UBN2: variants seen among roughly 807,000 people sequenced by gnomAD.
The protein encoded by UBN2 is ubinuclein-2.
In UBN2, 35 loss-of-function variants were observed where a neutral mutation model predicts 120.2. The ratio of observed to expected loss-of-function variants is 0.29; its 90% CI spans 0.22 to 0.39. The LOEUF is 0.39. Among genes scored for constraint, UBN2 ranks in the 10% least tolerant of loss-of-function variants. The pLI is 1.00. For synonymous variants in UBN2, 661 were observed against 648.7 expected (o/e 1.02, Z -0.29); for missense variants, 1,693 against 1,663.2 (o/e 1.02, Z -0.31).
chr7:139,269,269 A>T, intron 7 of UBN2, 125 bp from the exon 8 acceptor site: 2 of 898,938 alleles, frequency 2.2e-6, no homozygotes. Context: ...TTTTCCATGA[A>T]GAATACTGTT....
Position 139,231,645 on chromosome 7 carries a change from C to G in UBN2, c.161C>G (p.Pro54Arg), listed in dbSNP as rs1796013611. 1 of 1,218,932 alleles carries G rather than the reference C, an allele frequency of 8.2e-7. No individual in the cohort carries two copies. The highest frequency in any genetic ancestry group is 3.8e-5 in the South Asian group (1 of 26,500). 75.5% of individuals were successfully genotyped at this position (1,218,932 alleles called of 1,614,324 possible). A position where few individuals can be genotyped will look rare whatever the true frequency, so the allele number is the denominator to read the frequency against. ...REPARAEPPAPREPAPRSDAQ... is the reference protein window; with the variant it reads ...REPARAEPPARREPAPRSDAQ... ...CCGGCCCGGGCGGAGCCGCCGGCCC[C>G]GCGGGAGCCTGCCCCCCGCTCGGAC... The change falls in exon 1 of 18, where the codon CCG becomes CGG. Residue 54 changes from proline (P) to arginine (R), a missense_variant. Pro to Arg is a moderately radical substitution (Grantham distance 103). Coordinates refer to ENST00000473989, the MANE Select transcript of UBN2 (RefSeq NM_173569.4).
At chr7:139,263,546 G>A (rs976612290) in intron 6 of UBN2, among the ~76,000 whole-genome samples, 2 of 152,112 alleles carry the variant, frequency 1.3e-5, no homozygotes, top group Admixed American at 1.3e-4. Context: ...GGCCGAGGTG[G>A]GCGGATCACC....
intron 16 of UBN2, 83 bp downstream of exon 16, chr7:139,293,546 TC>T: frequency 8.7e-7 from 1 of 1,152,636 alleles, no homozygotes; most frequent in Non-Finnish European, 1.3e-6. Context: ...TTAAGAGTAG[TC>T]CAGTTGGAGT....
At chr7:139,297,669 A>G (rs944276126) in intron 17 of UBN2, 118 bp from the exon 18 acceptor site, 2 of 873,264 alleles carry the variant, frequency 2.3e-6, no homozygotes, top group African/African-American at 3.4e-5. Flanking sequence ...TAAAAGTGAT[A>G]TCTTTTCAGA....
At chr7:139,316,077 C>CAAAAAA in the UBN2 span, among the ~76,000 whole-genome samples, 304 of 14,126 alleles carry the variant, frequency 0.022, 72 homozygotes, top group African/African-American at 0.052. Flanking sequence ...GACTTCGTCT[C>CAAAAAA]AAAAAAAAAA....
intron 8 of UBN2, among the ~76,000 whole-genome samples, chr7:139,270,664 G>A (rs1018857937): frequency 6.6e-6 from 1 of 152,128 alleles, no homozygotes; most frequent in African/African-American, 2.4e-5. Context: ...TGGATATTTG[G>A]GTTGTTTCCA....
At chr7:139,282,594 A>G (rs769798433) in intron 14 of UBN2, among the ~76,000 whole-genome samples, 1 of 152,220 alleles carries the variant, frequency 6.6e-6, no homozygotes, top group Non-Finnish European at 1.5e-5. Flanking sequence ...GCATGGAAGC[A>G]GAAAGTGAAG....
chr7:139,275,574 C>T (rs1423620747), intron 11 of UBN2, among the ~76,000 whole-genome samples: 1 of 151,236 alleles, frequency 6.6e-6, no homozygotes, highest in Non-Finnish European at 1.5e-5. Flanking sequence ...CAGAGCGAGA[C>T]TCTGTCTCAA....
intron 8 of UBN2, among the ~76,000 whole-genome samples, chr7:139,271,080 C>T (rs1047224475): frequency 9.2e-5 from 14 of 152,044 alleles, no homozygotes; most frequent in Non-Finnish European, 1.2e-4. Flanking sequence ...CTGCGCCTGG[C>T]CAGATGTTCA....
chr7:139,316,084 A>G, the UBN2 span, among the ~76,000 whole-genome samples: 1 of 141,008 alleles, frequency 7.1e-6, no homozygotes, highest in Non-Finnish European at 1.5e-5. Flanking sequence ...TCTCAAAAAA[A>G]AAAAAAAAAA....
At chr7:139,272,485 G>T in intron 9 of UBN2, 45 bp downstream of exon 9, 2 of 1,370,136 alleles carry the variant, frequency 1.5e-6, no homozygotes, top group Non-Finnish European at 2.0e-6. Context: ...TTTGAGAAGT[G>T]TATGTACGTT....
Position 139,258,591 on chromosome 7 carries a change from A to G in UBN2, c.767A>G (p.Asp256Gly). The change falls in exon 4 of 18, where the codon GAT (aspartate) becomes GGT (glycine). Residue 256 changes from aspartate (D) to glycine (G), a missense_variant. Physicochemically the swap from Asp to Gly is moderately conservative, Grantham distance 94. Around this residue, in one of 5 missense-constraint regions of UBN2, gnomAD observed 663 missense variants for 591.2 expected, o/e 1.12. Coordinates refer to ENST00000473989, the MANE Select transcript of UBN2 (RefSeq NM_173569.4). ...FRQASDTEED[D>G]ITDNQKHKPP... Reference sequence around the variant, plus strand: ...CAAGCTTCAGATACTGAAGAAGATGATATTACAGACAACCAAAAGCACAAG... The same window carrying G: ...CAAGCTTCAGATACTGAAGAAGATGGTATTACAGACAACCAAAAGCACAAG... The G allele has an allele frequency of 6.2e-7, 1 of 1,604,670 alleles. No individual in the cohort carries two copies. Among genetic ancestry groups the G allele is most frequent in the Non-Finnish European group, 8.5e-7 (1 of 1,174,558 alleles).
chr7:139,287,750 G>A (rs62485948), intron 15 of UBN2, among the ~76,000 whole-genome samples: 3 of 150,204 alleles, frequency 2.0e-5, no homozygotes, highest in South Asian at 2.1e-4. Flanking sequence ...ACCCTTTGGC[G>A]AAAGTAAGGT....
Position 139,269,471 on chromosome 7 carries a change from G to A in UBN2, c.1544G>A (p.Cys515Tyr). 6.2e-7 allele frequency: 1 copy of A among 1,614,102 alleles called. No individual in the cohort carries two copies. The highest frequency in any genetic ancestry group is 2.2e-5 in the East Asian group (1 of 44,864). Reference sequence around the variant, plus strand: ...TCCCACCTTGAAGCTTTTGTGCCATGCAATAAAGAAACACTAGTAAAACGT... The same window carrying A: ...TCCCACCTTGAAGCTTTTGTGCCATACAATAAAGAAACACTAGTAAAACGT... The part of the protein sequence containing the change: ...VYSHLEAFVP[C>Y]NKETLVKRLK... Residue 515 changes from cysteine (C) to tyrosine (Y), a missense_variant, in exon 8 of 18, where the codon TGC becomes TAC. Transcript: ENST00000473989.
chr7:139,245,429 A>T (rs561215496), intron 2 of UBN2, among the ~76,000 whole-genome samples: 3 of 152,132 alleles, frequency 2.0e-5, no homozygotes, highest in Admixed American at 6.5e-5. Flanking sequence ...GCTCCCCTTG[A>T]TAAGATTTAT....
At chr7:139,267,459 C>A (rs1797132117) in intron 7 of UBN2, among the ~76,000 whole-genome samples, 1 of 151,434 alleles carries the variant, frequency 6.6e-6, no homozygotes, top group South Asian at 2.1e-4. Flanking sequence ...TTCATTAAGC[C>A]TGGGAGATTG....
chr7:139,281,546 C>CT (rs1797611220), intron 13 of UBN2, among the ~76,000 whole-genome samples: 1 of 152,090 alleles, frequency 6.6e-6, no homozygotes, highest in Admixed American at 6.6e-5. Context: ...AATCAGCTAT[C>CT]TATTTATTTA....
At chr7:139,273,887 GTTC>G (rs1379721443) in intron 10 of UBN2, 41 bp from the exon 11 acceptor site, 1 of 1,513,104 alleles carries the variant, frequency 6.6e-7, no homozygotes, top group South Asian at 1.3e-5. Flanking sequence ...CCAAATGTAT[GTTC>G]TTCTAAAAAA....
intron 2 of UBN2, among the ~76,000 whole-genome samples, chr7:139,240,170 C>G (rs1796277429): frequency 6.6e-6 from 1 of 151,866 alleles, no homozygotes; most frequent in Non-Finnish European, 1.5e-5. Context: ...TATTTCTTCT[C>G]TGGATTTTTA....
Sources: allele counts gnomAD v4.1 joint callset (sites outside exome capture counted in the v4.1 genomes callset), GRCh38; gene constraint gnomAD v4.1.1; regional missense constraint gnomAD v4.1.1; transcripts MANE v1.5; gene names NCBI Gene and HGNC (gene_info 2026-07-23, HGNC 2026-07-21).